Variants in SH3GL2 observed in about 807,000 individuals in gnomAD.
SH3GL2 encodes endophilin-A1.
In SH3GL2, 24 loss-of-function variants were observed where a neutral mutation model predicts 46.0. The observed-to-expected ratio is 0.52, with a 90% CI of 0.38 to 0.73. The LOEUF (loss-of-function observed/expected upper bound fraction) is 0.73, where lower values mean the gene tolerates loss of function less well. Ranked by LOEUF, SH3GL2 falls within the 30% of genes least tolerant of loss-of-function variation. The pLI, the probability that SH3GL2 is intolerant of heterozygous loss-of-function variation, is 0.00. For missense variants in SH3GL2, 413 were observed against 424.2 expected, an observed-to-expected ratio of 0.97 and a Z score of 0.23; for synonymous variants, 196 against 147.1, an observed-to-expected ratio of 1.33 and a Z score of -2.40.
intron 1 of SH3GL2, among the ~76,000 whole-genome samples, chr9:17,620,750 A>G (rs908360834): frequency 2.6e-5 from 4 of 152,200 alleles, no homozygotes; most frequent in African/African-American, 9.6e-5. Flanking sequence ...AGTCAAGGGT[A>G]AAGCCTAGGT....
intron 2 of SH3GL2, among the ~76,000 whole-genome samples, chr9:17,757,196 A>G (rs1019395980): frequency 6.6e-6 from 1 of 152,204 alleles, no homozygotes; most frequent in East Asian, 1.9e-4. Context: ...AGACCATAAA[A>G]ACCCTAGAAG....
chr9:17,630,171 A>G (rs1036984411), intron 1 of SH3GL2, among the ~76,000 whole-genome samples: 3 of 152,226 alleles, frequency 2.0e-5, no homozygotes, highest in African/African-American at 7.2e-5. Flanking sequence ...TTTTTGAGCA[A>G]TAAGTGAGCA....
chr9:17,752,768 G>A (rs959392452), intron 2 of SH3GL2, among the ~76,000 whole-genome samples: 2 of 152,062 alleles, frequency 1.3e-5, no homozygotes, highest in Non-Finnish European at 2.9e-5. Context: ...AGGTAGACAC[G>A]TGTCATGGGA....
chr9:17,778,072 T>A (rs980334348), intron 3 of SH3GL2, among the ~76,000 whole-genome samples: 1 of 152,150 alleles, frequency 6.6e-6, no homozygotes, highest in African/African-American at 2.4e-5. Flanking sequence ...CATACTTCCA[T>A]AACACAATTT....
At chr9:17,754,094 G>T (rs2131140814) in intron 2 of SH3GL2, among the ~76,000 whole-genome samples, 1 of 152,264 alleles carries the variant, frequency 6.6e-6, no homozygotes, top group East Asian at 1.9e-4. Flanking sequence ...CTGTAGTATA[G>T]TTTGAAGTTG....
intron 1 of SH3GL2, among the ~76,000 whole-genome samples, chr9:17,581,709 T>C (rs1276844263): frequency 6.6e-6 from 1 of 152,148 alleles, no homozygotes; most frequent in Non-Finnish European, 1.5e-5. Context: ...TATTTATTTA[T>C]TCATTTGAGA....
At chr9:17,766,188 C>G (rs9406700) in intron 3 of SH3GL2, among the ~76,000 whole-genome samples, 39,567 of 152,100 alleles carry the variant, frequency 0.26, 5,755 homozygotes, top group Middle Eastern at 0.34. Context: ...CCTGGAAAAT[C>G]CAGCTAACTG....
intron 3 of SH3GL2, among the ~76,000 whole-genome samples, chr9:17,774,744 CTG>C (rs1459643760): frequency 1.3e-5 from 2 of 152,052 alleles, no homozygotes; most frequent in Non-Finnish European, 2.9e-5. Context: ...AGATATTGGT[CTG>C]TAGTTGTCTT....
intron 1 of SH3GL2, among the ~76,000 whole-genome samples, chr9:17,726,032 C>T (rs1822012845): frequency 1.3e-5 from 2 of 152,080 alleles, no homozygotes; most frequent in African/African-American, 4.8e-5. Flanking sequence ...GCCATTCTTA[C>T]CAAGATTTAG....
At chr9:17,762,995 C>G (rs901277430) in intron 3 of SH3GL2, among the ~76,000 whole-genome samples, 1 of 152,088 alleles carries the variant, frequency 6.6e-6, no homozygotes, top group African/African-American at 2.4e-5. Flanking sequence ...ACGAGTTGTA[C>G]TTGTAACTCA....
At chr9:17,755,793 C>G in intron 2 of SH3GL2, 4 of 984,844 alleles carry the variant, frequency 4.1e-6, no homozygotes, top group Non-Finnish European at 4.8e-6. Context: ...AGTCCTTACA[C>G]CTAAGTTCAG....
chr9:17,759,971 C>G (rs1356850999), intron 2 of SH3GL2, among the ~76,000 whole-genome samples: 1 of 152,128 alleles, frequency 6.6e-6, no homozygotes, highest in Non-Finnish European at 1.5e-5. Flanking sequence ...ATCCATTTCC[C>G]TGGCATAAGA....
chr9:17,722,207 T>G (rs1037619588), intron 1 of SH3GL2, among the ~76,000 whole-genome samples: 2 of 152,176 alleles, frequency 1.3e-5, no homozygotes, highest in East Asian at 3.9e-4. Flanking sequence ...TAAGTTAACC[T>G]CAGATCTGTT....
chr9:17,671,432 G>A (rs564819259), intron 1 of SH3GL2, among the ~76,000 whole-genome samples: 3 of 152,204 alleles, frequency 2.0e-5, no homozygotes, highest in South Asian at 4.1e-4. Context: ...ACACGACAAG[G>A]TGACTGTAGT....
At chr9:17,675,861 C>T (rs938564384) in intron 1 of SH3GL2, among the ~76,000 whole-genome samples, 4 of 152,188 alleles carry the variant, frequency 2.6e-5, no homozygotes, top group East Asian at 3.8e-4. Flanking sequence ...AGGAGAATCA[C>T]GTGAACCCGG....
chr9:17,795,956 T>A lies in SH3GL2; in HGVS notation c.*213T>A. The A allele has an allele frequency of 1.8e-6, 1 of 557,108 alleles. No homozygotes were observed. The highest frequency in any genetic ancestry group is 3.0e-5 in the Admixed American group (1 of 32,798). The allele number at this position is 557,108 out of a possible 1,614,324, so 34.5% of individuals were successfully genotyped here. The stretch of plus-strand genomic sequence containing the variant: ...GCCTGGTGGGCGTGGCATGTGCTTT[T>A]TAAAACATCATCTGAGACCAGCCAG... On this transcript the variant is annotated 3_prime_UTR_variant, in exon 9 of 9. Transcript: ENST00000380607.
chr9:17,626,603 C>G (rs1239017761), intron 1 of SH3GL2, among the ~76,000 whole-genome samples: 1 of 152,104 alleles, frequency 6.6e-6, no homozygotes, highest in Non-Finnish European at 1.5e-5. Flanking sequence ...TAACCTTTAC[C>G]AGTAAATCGA....
At chr9:17,686,541 A>G (rs1331161752) in intron 1 of SH3GL2, among the ~76,000 whole-genome samples, 5 of 148,016 alleles carry the variant, frequency 3.4e-5, no homozygotes, top group East Asian at 3.9e-4. Context: ...AACCAACCCA[A>G]ATGTCCAACA....
intron 1 of SH3GL2, among the ~76,000 whole-genome samples, chr9:17,744,426 C>A (rs1175912939): frequency 6.6e-6 from 1 of 151,550 alleles, no homozygotes; most frequent in East Asian, 1.9e-4. Context: ...AGTGCAGTGG[C>A]ACGATCACGG....
Sources: allele counts gnomAD v4.1 joint callset (sites outside exome capture counted in the v4.1 genomes callset), GRCh38; gene constraint gnomAD v4.1.1; transcripts MANE v1.5; gene names NCBI Gene and HGNC (gene_info 2026-07-23, HGNC 2026-07-21).